Variants in CAGE1 observed in about 807,000 individuals in gnomAD.
CAGE1 encodes the protein cancer-associated gene 1 protein.
A neutral mutation model predicts 94.9 loss-of-function variants in CAGE1; 66 were observed. That is an observed-to-expected ratio of 0.70 (90% CI 0.57 to 0.85). The LOEUF is 0.85. Ranked by LOEUF, CAGE1 falls within the 40% of genes least tolerant of loss-of-function variation. The pLI is 0.00. For missense variants in CAGE1, 865 were observed against 950.4 expected (o/e 0.91, Z 1.18); for synonymous variants, 319 against 321.0 (o/e 0.99, Z 0.07).
chr6:7,358,027 GATATATATATATAT>G (rs55850429), intron 9 of CAGE1, among the ~76,000 whole-genome samples: 4,791 of 48,142 alleles, frequency 0.1, 523 homozygotes, highest in African/African-American at 0.23. Flanking sequence ...TAAGTTTTGA[GATATATATATATAT>G]ATATATATAT....
In CAGE1 at chr6:7,387,181, G is replaced by T. The variant is rs1196978519; in HGVS notation, c.-8C>A. 2 of 1,539,708 alleles carry T rather than the reference G, an allele frequency of 1.3e-6. No homozygotes were observed. The highest frequency in any genetic ancestry group is 1.8e-6 in the Non-Finnish European group (2 of 1,141,090). On this transcript the variant is annotated 5_prime_UTR_variant, in exon 2 of 14. Coordinates refer to ENST00000502583, the MANE Select transcript of CAGE1 (RefSeq NM_001170692.2). ...TTGATAGTCCTTGTTCATAACTGTT[G>T]AACAATAGAAGACTTCTTTAAAAAA...
At chr6:7,363,345 A>G (rs929759249) in intron 9 of CAGE1, among the ~76,000 whole-genome samples, 5 of 152,230 alleles carry the variant, frequency 3.3e-5, no homozygotes, top group African/African-American at 4.8e-5. Context: ...CACATCTATT[A>G]AAATCAACAA....
intron 9 of CAGE1, among the ~76,000 whole-genome samples, chr6:7,357,547 T>TA (rs1448103976): frequency 2.0e-5 from 3 of 151,798 alleles, no homozygotes; most frequent in East Asian, 1.9e-4. Flanking sequence ...GATTTTTTTT[T>TA]AATTTGCTAA....
chr6:7,371,148 GCAT>G (rs990780799), intron 5 of CAGE1, among the ~76,000 whole-genome samples: 2 of 152,098 alleles, frequency 1.3e-5, no homozygotes, highest in Non-Finnish European at 2.9e-5. Flanking sequence ...AGGAGCAGCA[GCAT>G]CAACAACTGG....
In CAGE1 at chr6:7,362,286, A is replaced by G. The variant is rs1760191365; in HGVS notation, c.2193+3182T>C. Among the ~76,000 whole-genome samples, 1 of 152,202 alleles carries G rather than the reference A, an allele frequency of 6.6e-6. No individual in the cohort carries two copies. The highest frequency in any genetic ancestry group is 2.1e-4 in the South Asian group (1 of 4,832). ...TACTGGTTAGAGATATCTTATTTGT[A>G]TTAAAAGTTATCTATTTTACTGAAG... is the stretch of plus-strand genomic sequence containing the variant. On this transcript the variant is annotated intron_variant, in intron 9 of 13. Transcript: ENST00000502583. This position sits in a 1 kb window ranked among gnomAD's most constrained non-coding sequence, Gnocchi z 4.1.
chr6:7,384,712 C>T (rs868227767), intron 3 of CAGE1, among the ~76,000 whole-genome samples: 1 of 151,372 alleles, frequency 6.6e-6, no homozygotes, highest in African/African-American at 2.4e-5. Flanking sequence ...AATCAACACA[C>T]AGCTCTCTTT....
chr6:7,333,117 A>T (rs1219776054), intron 12 of CAGE1, among the ~76,000 whole-genome samples: 2 of 151,880 alleles, frequency 1.3e-5, no homozygotes, highest in East Asian at 3.9e-4. Flanking sequence ...TGCCTGGCTA[A>T]TTTTTGTATT....
intron 11 of CAGE1, among the ~76,000 whole-genome samples, chr6:7,352,510 C>T (rs1273983373): frequency 3.3e-5 from 5 of 152,108 alleles, no homozygotes; most frequent in African/African-American, 9.7e-5. Flanking sequence ...CATCAAAACA[C>T]TACCATCATT....
intron 9 of CAGE1, among the ~76,000 whole-genome samples, chr6:7,361,307 A>G (rs1035097278): frequency 2.0e-5 from 3 of 152,172 alleles, no homozygotes; most frequent in Non-Finnish European, 4.4e-5. Flanking sequence ...CCAAAGCACA[A>G]CTCAGTAAAA....
chr6:7,375,390 C>A (rs1760703404), intron 4 of CAGE1, among the ~76,000 whole-genome samples: 1 of 151,184 alleles, frequency 6.6e-6, no homozygotes, highest in Non-Finnish European at 1.5e-5. Flanking sequence ...GCCTGGGCGA[C>A]AGAGCGAGAC....
At chr6:7,335,758 T>A (rs1758933430) in intron 11 of CAGE1, among the ~76,000 whole-genome samples, 1 of 152,176 alleles carries the variant, frequency 6.6e-6, no homozygotes, top group Admixed American at 6.5e-5. Flanking sequence ...TACTATTTTG[T>A]GGAGACAAGA....
rs148460179 is a variant in CAGE1, at chr6:7,346,408, G to T, written c.2369+8633C>A. ...TGTTTCTAAAATAAATAAAAGTCAC[G>T]CATGGTGGTGCATGCCTGTAGTCCC... On this transcript the variant is annotated intron_variant, in intron 11 of 13. Transcript: ENST00000502583. Among the ~76,000 whole-genome samples, 4 of 151,918 alleles carry T rather than the reference G, an allele frequency of 2.6e-5. No individual in the cohort carries two copies. The East Asian group carries it at 7.8e-4, about 30-fold the overall frequency.
At chr6:7,338,921 C>T in intron 11 of CAGE1, 1 of 1,596,546 alleles carries the variant, frequency 6.3e-7, no homozygotes. Flanking sequence ...GGGCAGTTAT[C>T]TCATCTTTGG....
chr6:7,344,672 T>C (rs1016441099), intron 11 of CAGE1, among the ~76,000 whole-genome samples: 2 of 152,226 alleles, frequency 1.3e-5, no homozygotes, highest in African/African-American at 4.8e-5. Context: ...TGAAGCCAGC[T>C]GAGCTTCTGA....
chr6:7,365,917 A>G, intron 7 of CAGE1, 33 bp from the exon 8 acceptor site: 1 of 1,209,974 alleles, frequency 8.3e-7, no homozygotes, highest in Non-Finnish European at 1.2e-6. Flanking sequence ...TATTTTAGAG[A>G]GAAAATACAA....
chr6:7,373,300 A>G lies in CAGE1; in HGVS notation c.1519T>C (p.Ser507Pro). The G allele has an allele frequency of 6.2e-7, 1 of 1,606,426 alleles. No individual in the cohort carries two copies. The highest frequency in any genetic ancestry group is 1.7e-5 in the Admixed American group (1 of 58,570). The change falls in exon 5 of 14, where the codon TCT becomes CCT. Residue 507 changes from serine (S) to proline (P), a missense_variant. By Grantham distance (74) the Ser-to-Pro change is moderately conservative. Coordinates refer to ENST00000502583, the MANE Select transcript of CAGE1 (RefSeq NM_001170692.2). Reference protein sequence around the residue: ...ENLEERQKLKSRLEKLLTQVR... With the variant: ...ENLEERQKLKPRLEKLLTQVR... ...TGAGTGAGCAATTTCTCAAGTCTAG[A>G]TTTCAGTTTCTGTCTTTCTTCCAGG... is the stretch of plus-strand genomic sequence containing the variant.
intron 12 of CAGE1, among the ~76,000 whole-genome samples, chr6:7,332,627 G>T (rs766113274): frequency 6.6e-6 from 1 of 152,158 alleles, no homozygotes; most frequent in African/African-American, 2.4e-5. Context: ...TAGGGAACAC[G>T]TTTCAAAGCT....
At chr6:7,341,842 T>C (rs1302011195) in intron 11 of CAGE1, 2 of 678,816 alleles carry the variant, frequency 2.9e-6, no homozygotes, top group African/African-American at 1.8e-5. Flanking sequence ...CTTGCACTAG[T>C]AGGTCAGGAA....
At chr6:7,344,936 T>C (rs1759371870) in intron 11 of CAGE1, among the ~76,000 whole-genome samples, 1 of 152,174 alleles carries the variant, frequency 6.6e-6, no homozygotes, top group African/African-American at 2.4e-5. Flanking sequence ...GCTCAGGGAT[T>C]GTAAACGCAC....
Sources: allele counts gnomAD v4.1 joint callset (sites outside exome capture counted in the v4.1 genomes callset), GRCh38; gene constraint gnomAD v4.1.1; non-coding constraint Gnocchi (gnomAD v3.1); transcripts MANE v1.5; gene names NCBI Gene and HGNC (gene_info 2026-07-23, HGNC 2026-07-21).